The following MRPS28 variants were observed in gnomAD, a reference collection of about 807,000 sequenced individuals.
MRPS28 encodes mitochondrial ribosomal protein S28.
A neutral mutation model predicts 10.8 loss-of-function variants in MRPS28; 7 were observed. The ratio of observed to expected loss-of-function variants is 0.65; its 90% CI spans 0.37 to 1.22. The LOEUF (loss-of-function observed/expected upper bound fraction) is 1.22. MRPS28 is among the 50% of genes most tolerant of loss of function. MRPS28 has a pLI of 0.02. For missense variants in MRPS28, 265 were observed against 232.9 expected (o/e 1.14, Z -0.90); for synonymous variants, 121 against 93.3 (o/e 1.30, Z -1.71).
chr8:79,933,955 C>T (rs1230076514), intron 2 of MRPS28, among the ~76,000 whole-genome samples: 1 of 152,206 alleles, frequency 6.6e-6, no homozygotes, highest in Non-Finnish European at 1.5e-5. Flanking sequence ...TCAGATTGGA[C>T]TCTCACTATT....
chr8:79,930,943 A>G (rs1206461897), intron 2 of MRPS28, among the ~76,000 whole-genome samples: 2 of 152,182 alleles, frequency 1.3e-5, no homozygotes, highest in Non-Finnish European at 2.9e-5. Context: ...TAAGAGCTTT[A>G]TTGTTTGCTT....
chr8:79,975,864 AT>A (rs1008749581), intron 2 of MRPS28, among the ~76,000 whole-genome samples: 5 of 152,316 alleles, frequency 3.3e-5, no homozygotes, highest in Middle Eastern at 3.4e-3. Flanking sequence ...ACCAAAATCT[AT>A]ATACAGATAA....
At chr8:79,987,442 A>C (rs1348675834) in intron 2 of MRPS28, among the ~76,000 whole-genome samples, 2 of 152,126 alleles carry the variant, frequency 1.3e-5, no homozygotes, top group Non-Finnish European at 2.9e-5. Flanking sequence ...TAATTAAACT[A>C]AAGAGCTTCT....
intron 2 of MRPS28, among the ~76,000 whole-genome samples, chr8:79,974,451 GA>G (rs909187055): frequency 1.3e-5 from 2 of 151,862 alleles, no homozygotes; most frequent in Non-Finnish European, 2.9e-5. Context: ...GAGGCAAGGA[GA>G]ATGGCGTGAA....
chr8:79,984,672 C>G (rs1808097875), intron 2 of MRPS28, among the ~76,000 whole-genome samples: 1 of 152,002 alleles, frequency 6.6e-6, no homozygotes, highest in Admixed American at 6.6e-5. Flanking sequence ...TCAAAAGAGA[C>G]AAAGAAGGCC....
At chr8:79,982,694 C>T (rs1416953797) in intron 2 of MRPS28, among the ~76,000 whole-genome samples, 6 of 152,166 alleles carry the variant, frequency 3.9e-5, no homozygotes, top group Non-Finnish European at 5.9e-5. Flanking sequence ...AACTGCAAGG[C>T]GGCAGCGAGG....
At chr8:79,934,366 TTA>T (rs749590392) in intron 2 of MRPS28, among the ~76,000 whole-genome samples, 3 of 152,198 alleles carry the variant, frequency 2.0e-5, no homozygotes, top group African/African-American at 4.8e-5. Flanking sequence ...TTACTAATTT[TTA>T]TAGTCTCCTT....
In MRPS28 at chr8:79,919,518, A is replaced by AG. The variant is rs570440417; in HGVS notation, c.396-371dup. On this transcript the variant is annotated intron_variant, in intron 2 of 2. Transcript: ENST00000276585. ...ACCACGGCCAGCTAATTTCAGAGTC[A>AG]GGGTCTCTCTATGTTGCCCAGGCCA... is the stretch of plus-strand genomic sequence containing the variant. Among the ~76,000 whole-genome samples, 218 of 152,240 alleles carry AG rather than the reference A, an allele frequency of 1.4e-3. 1 individual carries two copies. The highest frequency in any genetic ancestry group is 5.1e-3 in the African/African-American group (211 of 41,558).
chr8:80,016,890 TCCAG>T lies in MRPS28; in HGVS notation c.213+13142_213+13145del, dbSNP rs371938938. Among the ~76,000 whole-genome samples the T allele has an allele frequency of 3.1e-4, 47 of 152,210 alleles. No homozygotes were observed. The East Asian group carries it at 7.1e-3, about 23-fold the overall frequency. Reference sequence around the variant, plus strand: ...TGTCCCTCTATCAGAAAAGGACAGATCCAGCAGGGAGAAAATCACTCAGGATATA... The same window carrying T: ...TGTCCCTCTATCAGAAAAGGACAGATCAGGGAGAAAATCACTCAGGATATA... On this transcript the variant is annotated intron_variant, in intron 1 of 2. Coordinates refer to ENST00000276585, the MANE Select transcript of MRPS28 (RefSeq NM_014018.3).
chr8:79,944,698 TTTC>T (rs1405541872), intron 2 of MRPS28, among the ~76,000 whole-genome samples: 6 of 60,972 alleles, frequency 9.8e-5, no homozygotes, highest in African/African-American at 6.0e-4. Context: ...CTTTTTCTTT[TTTC>T]TTTTTTTTTT....
intron 1 of MRPS28, chr8:80,029,778 A>G (rs1474805928): frequency 2.4e-5 from 36 of 1,506,374 alleles, no homozygotes; most frequent in African/African-American, 5.5e-5. Flanking sequence ...CCAGCATTCA[A>G]TCCCAGGAAA....
chr8:79,986,802 C>T (rs1212321545), intron 2 of MRPS28, among the ~76,000 whole-genome samples: 1 of 152,050 alleles, frequency 6.6e-6, no homozygotes, highest in Non-Finnish European at 1.5e-5. Flanking sequence ...AAGAACATTC[C>T]ATGCTCATGG....
chr8:80,006,596 C>T (rs1321928491), intron 1 of MRPS28, among the ~76,000 whole-genome samples: 4 of 152,108 alleles, frequency 2.6e-5, no homozygotes, highest in African/African-American at 9.7e-5. Context: ...GATATCACCA[C>T]CGATCCCACA....
At chr8:79,923,679 G>T (rs2129856389) in intron 2 of MRPS28, among the ~76,000 whole-genome samples, 1 of 152,164 alleles carries the variant, frequency 6.6e-6, no homozygotes, top group African/African-American at 2.4e-5. Context: ...AAAATAGCCT[G>T]TGTTTTTACT....
intron 1 of MRPS28, among the ~76,000 whole-genome samples, chr8:80,009,103 G>T (rs564908919): frequency 7.2e-5 from 11 of 152,260 alleles, no homozygotes; most frequent in Non-Finnish European, 1.5e-4. Flanking sequence ...CCATAAAAAA[G>T]GATGAGTTCA....
intron 2 of MRPS28, among the ~76,000 whole-genome samples, chr8:79,961,412 T>C (rs984395740): frequency 7.9e-5 from 12 of 152,256 alleles, no homozygotes; most frequent in African/African-American, 2.2e-4. Context: ...CAATTTTCTA[T>C]GGACCAAAAT....
At chr8:79,981,370 C>G (rs1666381270) in intron 2 of MRPS28, among the ~76,000 whole-genome samples, 1 of 152,054 alleles carries the variant, frequency 6.6e-6, no homozygotes, top group Non-Finnish European at 1.5e-5. Flanking sequence ...ATTTAAAAAA[C>G]AAGCTAAATT....
At chr8:80,024,104 G>C (rs372548832) in intron 1 of MRPS28, among the ~76,000 whole-genome samples, 4 of 152,086 alleles carry the variant, frequency 2.6e-5, no homozygotes, top group East Asian at 1.9e-4. Context: ...GTGACGCACA[G>C]CTATGGTCCC....
At chr8:80,029,941 C>T (rs1809608935) in intron 1 of MRPS28, 95 bp downstream of exon 1, 2 of 1,539,490 alleles carry the variant, frequency 1.3e-6, no homozygotes, top group Non-Finnish European at 1.7e-6. Context: ...ACCTCAGCTC[C>T]CCTTCCTAAG....
Sources: allele counts gnomAD v4.1 joint callset (sites outside exome capture counted in the v4.1 genomes callset), GRCh38; gene constraint gnomAD v4.1.1; transcripts MANE v1.5; gene names NCBI Gene and HGNC (gene_info 2026-07-23, HGNC 2026-07-21).